NCOR2: variants seen among roughly 807,000 people sequenced by gnomAD.
The protein encoded by NCOR2 is CTG repeat protein 26.
NCOR2 carries 81 observed loss-of-function variants against 262.9 expected under a neutral mutation model. The ratio of observed to expected loss-of-function variants is 0.31; its 90% CI spans 0.26 to 0.37. NCOR2 has a LOEUF of 0.37. NCOR2 is among the 10% of genes least tolerant of loss of function. The probability of loss-of-function intolerance (pLI) is 1.00; values close to 1 mark genes in which losing one functional copy is unlikely to be tolerated. For synonymous variants in NCOR2, 1,659 were observed against 1,559.3 expected (o/e 1.06, Z -1.51); for missense variants, 3,385 against 3,621.4 (o/e 0.93, Z 1.68).
At chr12:124,436,367 G>T (rs897829097) in intron 8 of NCOR2, among the ~76,000 whole-genome samples, 4 of 152,132 alleles carry the variant, frequency 2.6e-5, no homozygotes, top group African/African-American at 4.8e-5. Flanking sequence ...GTGGGGCAGG[G>T]GGCTGCAGGT....
Position 124,481,259 on chromosome 12 carries a change from G to T in NCOR2, c.411+2337C>A, listed in dbSNP as rs1565983228. Among the ~76,000 whole-genome samples, 1 of 152,084 alleles carries T rather than the reference G, an allele frequency of 6.6e-6. No homozygotes were observed. On this transcript the variant is annotated intron_variant, in intron 3 of 46. Coordinates refer to ENST00000405201, the Ensembl canonical transcript of NCOR2. The surrounding 1 kb of genome is among the most constrained non-coding windows in gnomAD (Gnocchi z 4.6). ...GCGTCGGGGCAGGGATGCTGGCTGG[G>T]GTACCCGAGGGGGCAGTGCCCGAGA...
At chr12:124,365,493 A>C (rs1160717358) in intron 20 of NCOR2, among the ~76,000 whole-genome samples, 1 of 152,104 alleles carries the variant, frequency 6.6e-6, no homozygotes, top group East Asian at 1.9e-4. Context: ...CCCCTCCTTC[A>C]ATCTCTGCCA....
In NCOR2 at chr12:124,426,614, G is replaced by A; in HGVS notation, c.1328+8C>T. The A allele has an allele frequency of 6.3e-7, 1 of 1,575,598 alleles. No homozygotes were observed. The highest frequency in any genetic ancestry group is 8.7e-7 in the Non-Finnish European group (1 of 1,152,880). Reference sequence around the variant, plus strand: ...CCGGGAGGCCAGGCCAGGTGATGGAGGACTCACTTCTCCCGGAAGGTCTCC... The same window carrying A: ...CCGGGAGGCCAGGCCAGGTGATGGAAGACTCACTTCTCCCGGAAGGTCTCC... On this transcript the variant is annotated splice_region_variant and intron_variant, in intron 11 of 46. Transcript: ENST00000405201.
At chr12:124,359,509 G>A (rs577475525) in intron 22 of NCOR2, among the ~76,000 whole-genome samples, 2 of 152,336 alleles carry the variant, frequency 1.3e-5, no homozygotes, top group South Asian at 2.1e-4. Flanking sequence ...GAGGCAGGGG[G>A]CACAGATGCA....
At chr12:124,539,902 G>A (rs1387515785), upstream of NCOR2, among the ~76,000 whole-genome samples, 1 of 152,078 alleles carries the variant, frequency 6.6e-6, no homozygotes, top group Non-Finnish European at 1.5e-5. This position sits in a 1 kb window ranked among gnomAD's most constrained non-coding sequence, Gnocchi z 5.1. Flanking sequence ...CACACCCAGA[G>A]ATGGGAAGCC....
intron 16 of NCOR2, among the ~76,000 whole-genome samples, chr12:124,394,182 G>A (rs900196551): frequency 6.6e-6 from 1 of 152,264 alleles, no homozygotes; most frequent in Non-Finnish European, 1.5e-5. Flanking sequence ...CCATTTCTGA[G>A]TGCCTACTGT....
intron 1 of NCOR2, among the ~76,000 whole-genome samples, chr12:124,502,376 G>C (rs1024033786): frequency 6.6e-6 from 1 of 152,172 alleles, no homozygotes; most frequent in Non-Finnish European, 1.5e-5. Flanking sequence ...CAGGTGAGAC[G>C]GGAGTAAGAG....
chr12:124,488,952 G>A (rs577747992), intron 1 of NCOR2, among the ~76,000 whole-genome samples: 1 of 151,958 alleles, frequency 6.6e-6, no homozygotes, highest in African/African-American at 2.4e-5. Flanking sequence ...GGAGCATCTT[G>A]GGTGCCGTTT....
chr12:124,475,399 C>T (rs944205639), intron 3 of NCOR2, among the ~76,000 whole-genome samples: 12 of 152,206 alleles, frequency 7.9e-5, no homozygotes, highest in Admixed American at 2.6e-4. Flanking sequence ...GGGACTGCTG[C>T]TCCATCTCCA....
At chr12:124,383,510 T>C in intron 17 of NCOR2, 1 of 884,692 alleles carries the variant, frequency 1.1e-6, no homozygotes, top group Non-Finnish European at 1.4e-6. Context: ...ACAAATCTCC[T>C]AGTCTAATAA....
At chr12:124,472,297 G>A (rs928455986) in intron 4 of NCOR2, among the ~76,000 whole-genome samples, 5 of 152,150 alleles carry the variant, frequency 3.3e-5, no homozygotes, top group East Asian at 3.8e-4. Context: ...CTTTTTCTCC[G>A]CTTGTCTTTG....
At chr12:124,338,327 G>A (rs2036065479) in intron 37 of NCOR2, among the ~76,000 whole-genome samples, 1 of 152,034 alleles carries the variant, frequency 6.6e-6, no homozygotes, top group Non-Finnish European at 1.5e-5. Flanking sequence ...GGCCAACGTG[G>A]TGAAACCGCA....
At chr12:124,442,787 G>A (rs989216049) in intron 7 of NCOR2, among the ~76,000 whole-genome samples, 1 of 152,174 alleles carries the variant, frequency 6.6e-6, no homozygotes, top group Non-Finnish European at 1.5e-5. Context: ...TGGAAACAGA[G>A]TCTTTAGAGC....
chr12:124,355,270 A>G, intron 24 of NCOR2, 162 bp downstream of exon 26: 1 of 807,816 alleles, frequency 1.2e-6, no homozygotes, highest in Non-Finnish European at 1.9e-6. Flanking sequence ...CGAGGCCCTG[A>G]GTGCCTGGGG....
Position 124,457,223 on chromosome 12 carries a change from A to C in NCOR2, c.706-61T>G. 1 of 1,486,842 alleles carries C rather than the reference A, an allele frequency of 6.7e-7. No homozygotes were observed. Among genetic ancestry groups the C allele is most frequent in the Non-Finnish European group, 8.9e-7 (1 of 1,118,394 alleles). 92.1% of individuals were successfully genotyped at this position (1,486,842 alleles called of 1,614,324 possible). A position where few individuals can be genotyped will look rare whatever the true frequency, so the allele number is the denominator to read the frequency against. ...AAAAACAAAAAAACACAGATTATAAATAGAGGCTTCCCGGAGCAGCGGGCA... is the reference window on the plus strand; with the variant it reads ...AAAAACAAAAAAACACAGATTATAACTAGAGGCTTCCCGGAGCAGCGGGCA... On this transcript the variant is annotated intron_variant, in intron 5 of 46. Coordinates refer to ENST00000405201, the Ensembl canonical transcript of NCOR2. This position sits in a 1 kb window ranked among gnomAD's most constrained non-coding sequence, Gnocchi z 4.0.
chr12:124,486,602 G>A, intron 1 of NCOR2, 34 bp from the exon 4 acceptor site: 5 of 1,540,654 alleles, frequency 3.2e-6, no homozygotes, highest in Non-Finnish European at 4.4e-6. Flanking sequence ...GTGAGCGTGG[G>A]CGGGCACGGG....
At chr12:124,388,889 G>GGAGC in intron 16 of NCOR2, 1 of 707,022 alleles carries the variant, frequency 1.4e-6, no homozygotes, top group South Asian at 1.9e-5. Flanking sequence ...AGGGAGGGAG[G>GGAGC]GAGGGAGCGA....
chr12:124,553,066 G>C (rs1030824504), intron 1 of NCOR2, among the ~76,000 whole-genome samples: 1 of 152,216 alleles, frequency 6.6e-6, no homozygotes, highest in African/African-American at 2.4e-5. Context: ...GGTGTCGGTA[G>C]GCTGCATCCA....
intron 13 of NCOR2, among the ~76,000 whole-genome samples, chr12:124,414,570 C>G (rs577226933): frequency 2.0e-5 from 3 of 152,342 alleles, no homozygotes; most frequent in African/African-American, 7.2e-5. Context: ...CTGAGATAAC[C>G]TAAGTCTTCT....
Sources: allele counts gnomAD v4.1 joint callset (sites outside exome capture counted in the v4.1 genomes callset), GRCh38; gene constraint gnomAD v4.1.1; non-coding constraint Gnocchi (gnomAD v3.1); transcripts MANE v1.5; gene names NCBI Gene and HGNC (gene_info 2026-07-23, HGNC 2026-07-21).